The following ERC1 variants were observed in gnomAD, a reference collection of about 807,000 sequenced individuals.
The protein encoded by ERC1 is RAB6 interacting protein 2.
ERC1 carries 56 observed loss-of-function variants against 132.0 expected under a neutral mutation model. The ratio of observed to expected loss-of-function variants is 0.42; its 90% CI spans 0.34 to 0.53. ERC1 has a LOEUF of 0.53. Ranked by LOEUF, ERC1 falls within the 20% of genes least tolerant of loss-of-function variation. The probability of loss-of-function intolerance (pLI) is 0.03; values close to 1 mark genes in which losing one functional copy is unlikely to be tolerated. For synonymous variants in ERC1, 478 were observed against 476.1 expected (o/e 1.00, Z -0.05); for missense variants, 1,202 against 1,349.9 (o/e 0.89, Z 1.72).
chr12:1,274,558 T>G (rs1397647216), intron 14 of ERC1, among the ~76,000 whole-genome samples: 2 of 151,958 alleles, frequency 1.3e-5, no homozygotes, highest in Non-Finnish European at 2.9e-5. Flanking sequence ...AGTGGTGCGG[T>G]CTTGGCTTGC....
At chr12:1,343,950 T>C (rs1050632286) in intron 15 of ERC1, among the ~76,000 whole-genome samples, 1 of 152,130 alleles carries the variant, frequency 6.6e-6, no homozygotes, top group Non-Finnish European at 1.5e-5. Flanking sequence ...CACACCATTC[T>C]CCTGCCTCAG....
At chr12:1,444,894 A>G (rs1430031043) in intron 18 of ERC1, 144 bp downstream of exon 18, 3 of 585,464 alleles carry the variant, frequency 5.1e-6, no homozygotes, top group Non-Finnish European at 8.5e-6. Context: ...GTTGCTGTGT[A>G]GGTTCATGCA....
At chr12:1,328,189 C>G (rs141881059) in intron 15 of ERC1, among the ~76,000 whole-genome samples, 2 of 152,028 alleles carry the variant, frequency 1.3e-5, no homozygotes, top group South Asian at 2.1e-4. Context: ...TTCTGTCACC[C>G]AGGCTGGAGT....
At chr12:1,015,751 T>C (rs1374172156) in intron 1 of ERC1, among the ~76,000 whole-genome samples, 1 of 152,148 alleles carries the variant, frequency 6.6e-6, no homozygotes, top group East Asian at 1.9e-4. Context: ...TTTAAGAAAA[T>C]GAACAGGATC....
At chr12:1,083,988 A>T (rs891480342) in intron 3 of ERC1, among the ~76,000 whole-genome samples, 1 of 152,232 alleles carries the variant, frequency 6.6e-6, no homozygotes, top group East Asian at 1.9e-4. Context: ...ATCTCAGCTT[A>T]TGTGTGCTTA....
intron 16 of ERC1, among the ~76,000 whole-genome samples, chr12:1,395,218 G>T (rs1359299833): frequency 6.6e-6 from 1 of 152,132 alleles, no homozygotes; most frequent in Non-Finnish European, 1.5e-5. Context: ...GTACTGCACT[G>T]GGCCATTATA....
chr12:1,240,700 C>T (rs561015222), intron 13 of ERC1, among the ~76,000 whole-genome samples: 2 of 151,998 alleles, frequency 1.3e-5, no homozygotes. Context: ...TAGCTTTGGT[C>T]GTATACCTTT....
intron 14 of ERC1, among the ~76,000 whole-genome samples, chr12:1,286,402 T>C (rs1316331980): frequency 3.9e-5 from 6 of 152,226 alleles, no homozygotes; most frequent in African/African-American, 1.4e-4. Context: ...TTAACATTCA[T>C]TTATAATTTT....
chr12:1,219,016 G>A (rs1321201503), intron 12 of ERC1, among the ~76,000 whole-genome samples: 1 of 151,946 alleles, frequency 6.6e-6, no homozygotes, highest in Non-Finnish European at 1.5e-5. Flanking sequence ...GGGATTACAG[G>A]CATGCACCAC....
chr12:1,411,644 G>A (rs1334989317), intron 17 of ERC1, among the ~76,000 whole-genome samples: 2 of 152,136 alleles, frequency 1.3e-5, no homozygotes, highest in African/African-American at 2.4e-5. Context: ...ACTGGACAAG[G>A]GTAGGTATTT....
At position 1,490,345 on chromosome 12, in the gene ERC1, T is replaced by G; in HGVS notation, c.*115T>G. The G allele has an allele frequency of 1.0e-6, 1 of 999,488 alleles. No individual in the cohort carries two copies. The allele number at this position is 999,488 out of a possible 1,614,324, so 61.9% of individuals were successfully genotyped here. A position where few individuals can be genotyped will look rare whatever the true frequency, so the allele number is the denominator to read the frequency against. On this transcript the variant is annotated 3_prime_UTR_variant, in exon 19 of 19. Coordinates refer to ENST00000360905, the MANE Select transcript of ERC1 (RefSeq NM_178040.4). ...CAAACACTACAAACTTCATCCCAAC[T>G]TGCTCACTTGAAGAAGTGTGATTCC...
chr12:1,441,278 C>T (rs1040335448), intron 17 of ERC1, among the ~76,000 whole-genome samples: 7 of 151,834 alleles, frequency 4.6e-5, no homozygotes, highest in African/African-American at 1.5e-4. Context: ...CCAGGCTGGT[C>T]TCGAACTCCT....
chr12:1,138,188 T>TATATTTATATC (rs1555264946), intron 7 of ERC1, among the ~76,000 whole-genome samples: 1 of 112,978 alleles, frequency 8.9e-6, no homozygotes, highest in African/African-American at 4.5e-5. Flanking sequence ...ATATATATCA[T>TATATTTATATC]ATATAATTAT....
chr12:1,449,839 CCT>C (rs1364038037), intron 18 of ERC1, among the ~76,000 whole-genome samples: 1 of 151,670 alleles, frequency 6.6e-6, no homozygotes, highest in Non-Finnish European at 1.5e-5. Context: ...CTATTTTTTT[CCT>C]CTGTTTTTGT....
chr12:1,383,189 G>A (rs2088899284), intron 16 of ERC1, among the ~76,000 whole-genome samples: 1 of 152,044 alleles, frequency 6.6e-6, no homozygotes, highest in Admixed American at 6.6e-5. Context: ...TTGTCTCAAC[G>A]CAGATAAATC....
chr12:1,315,486 G>T (rs1038775951), intron 15 of ERC1, among the ~76,000 whole-genome samples: 5 of 151,878 alleles, frequency 3.3e-5, no homozygotes, highest in African/African-American at 1.2e-4. Flanking sequence ...AAGTATCTGG[G>T]ATTACAGGTG....
chr12:1,315,532 G>A (rs982517613), intron 15 of ERC1, among the ~76,000 whole-genome samples: 10 of 152,128 alleles, frequency 6.6e-5, no homozygotes, highest in Non-Finnish European at 1.2e-4. Context: ...TGTATTTTTA[G>A]TAGAGACGGG....
At chr12:1,228,092 G>T (rs1486382233) in intron 12 of ERC1, among the ~76,000 whole-genome samples, 7 of 152,126 alleles carry the variant, frequency 4.6e-5, no homozygotes, top group Non-Finnish European at 1.5e-5. Context: ...CTCCAGCTTT[G>T]TTCTTCTTAC....
intron 12 of ERC1, among the ~76,000 whole-genome samples, chr12:1,207,598 T>C (rs147583481): frequency 2.0e-5 from 3 of 152,348 alleles, no homozygotes; most frequent in African/African-American, 7.2e-5. Context: ...TGTAGTAGTG[T>C]ACTCTTTTGA....
Sources: gnomAD v4.1 joint callset for allele counts (sites outside exome capture counted in the v4.1 genomes callset) on GRCh38, gnomAD v4.1.1 for gene constraint, MANE v1.5 for transcripts, NCBI Gene and HGNC (gene_info 2026-07-23, HGNC 2026-07-21) for gene names.